ASCC3: variants seen among roughly 807,000 people sequenced by gnomAD.
ASCC3 encodes ASC-1 complex subunit P200.
Under a neutral mutation model 256.3 loss-of-function variants are expected in ASCC3, and 158 were observed. That is an observed-to-expected ratio of 0.62 (90% CI 0.54 to 0.70). ASCC3 has a LOEUF of 0.70. Among genes scored for constraint, ASCC3 ranks in the 30% least tolerant of loss-of-function variants. The pLI is 0.00. For synonymous variants in ASCC3, 948 were observed against 883.4 expected (o/e 1.07, Z -1.30); for missense variants, 2,259 against 2,626.0 (o/e 0.86, Z 3.05).
rs577797622 is a variant in ASCC3, at chr6:100,735,310, C to G, written c.1738-9607G>C. ...CACTTGCCAAAATGATTTTACAACA[C>G]TATTTGCAAGGTTGAGAGCTGAAGT... On this transcript the variant is annotated intron_variant, in intron 10 of 41. Coordinates refer to ENST00000369162, the MANE Select transcript of ASCC3 (RefSeq NM_006828.4). Among the ~76,000 whole-genome samples the G allele has an allele frequency of 1.9e-4, 29 of 152,302 alleles. 1 individual carries two copies. Among genetic ancestry groups the G allele is most frequent in the Admixed American group, 1.8e-3 (28 of 15,298 alleles).
chr6:100,829,987 T>C (rs1217051287), intron 4 of ASCC3, among the ~76,000 whole-genome samples: 1 of 152,020 alleles, frequency 6.6e-6, no homozygotes, highest in Non-Finnish European at 1.5e-5. Context: ...AGGAGGCTAC[T>C]AAGTGTCTAC....
At chr6:100,878,662 G>A (rs1769118018) in intron 1 of ASCC3, among the ~76,000 whole-genome samples, 1 of 152,180 alleles carries the variant, frequency 6.6e-6, no homozygotes, top group South Asian at 2.1e-4. Flanking sequence ...ATGTCTGAAA[G>A]ACAAAATTCT....
At chr6:100,737,221 G>T (rs1260616773) in intron 10 of ASCC3, among the ~76,000 whole-genome samples, 1 of 58,854 alleles carries the variant, frequency 1.7e-5, no homozygotes, top group African/African-American at 5.0e-5. Flanking sequence ...CTATGATCAG[G>T]ACTCAAAGTT....
rs145307456 is a variant in ASCC3 at position 100,588,075 on chromosome 6, T to C, written c.5550+1559A>G. Among the ~76,000 whole-genome samples, 8 of 152,294 alleles carry C rather than the reference T, an allele frequency of 5.3e-5. No homozygotes were observed. In the East Asian group the frequency reaches 1.5e-3, roughly 29 times the overall value. Reference sequence around the variant, plus strand: ...TGACTTGAGAGGCAGTATAGTAGGATGGTTTCAGGGCCCATACTCTGGTGC... The same window carrying C: ...TGACTTGAGAGGCAGTATAGTAGGACGGTTTCAGGGCCCATACTCTGGTGC... On this transcript the variant is annotated intron_variant, in intron 36 of 41. Coordinates refer to ENST00000369162, the MANE Select transcript of ASCC3 (RefSeq NM_006828.4).
chr6:100,578,432 A>G (rs1340701392), intron 36 of ASCC3, among the ~76,000 whole-genome samples: 1 of 151,906 alleles, frequency 6.6e-6, no homozygotes, highest in Non-Finnish European at 1.5e-5. Context: ...CTACACATTC[A>G]AGTAGGCCCT....
chr6:100,785,027 T>C (rs534911417), intron 8 of ASCC3, among the ~76,000 whole-genome samples: 121 of 68,326 alleles, frequency 1.8e-3, no homozygotes, highest in Admixed American at 4.8e-3. Flanking sequence ...CACTGAAAAA[T>C]TACTAAATTT....
intron 13 of ASCC3, among the ~76,000 whole-genome samples, chr6:100,681,669 G>A (rs931898939): frequency 1.4e-5 from 2 of 144,920 alleles, no homozygotes; most frequent in African/African-American, 5.1e-5. Flanking sequence ...AGAGGTTGCA[G>A]TGAGCCGGGA....
intron 36 of ASCC3, among the ~76,000 whole-genome samples, chr6:100,585,169 G>A (rs1771578183): frequency 6.6e-6 from 1 of 152,192 alleles, no homozygotes; most frequent in Non-Finnish European, 1.5e-5. Flanking sequence ...ATATCCTGCA[G>A]AGTGTTTTCC....
At position 100,665,551 on chromosome 6, in the gene ASCC3, C is replaced by G. The variant is rs190917053; in HGVS notation, c.2287-3015G>C. On this transcript the variant is annotated intron_variant, in intron 14 of 41. Transcript: ENST00000369162. ...CATCCTGGCTAACATGGTGAAACTC[C>G]GTCTCTACTAACAAAAACAAACAAA... is the stretch of plus-strand genomic sequence containing the variant. Among the ~76,000 whole-genome samples, 10 of 151,368 alleles carry G rather than the reference C, an allele frequency of 6.6e-5. No individual in the cohort carries two copies. The South Asian group carries it at 8.4e-4, about 13-fold the overall frequency.
rs957668913 is a variant in ASCC3, at chr6:100,509,461, G to A, written c.6534C>T (p.Asn2178=). 11 of 1,614,034 alleles carry A rather than the reference G, an allele frequency of 6.8e-6. No individual in the cohort carries two copies. Among genetic ancestry groups the A allele is most frequent in the South Asian group, 3.3e-5 (3 of 91,080 alleles). Residue 2178 remains asparagine, a synonymous_variant, in exon 42 of 42, where the codon AAC becomes AAT. Coordinates refer to ENST00000369162, the MANE Select transcript of ASCC3 (RefSeq NM_006828.4). The part of the protein sequence containing the change: ...GLDQQYDIYL[N]VTQASLSAQV... ...GTGCAGAAAGACTCGCTTGTGTAACGTTGAGATAGATGTCATACTGCTGGT... is the reference window on the plus strand; with the variant it reads ...GTGCAGAAAGACTCGCTTGTGTAACATTGAGATAGATGTCATACTGCTGGT...
At chr6:100,574,267 AT>A (rs796480588) in intron 36 of ASCC3, among the ~76,000 whole-genome samples, 22 of 152,308 alleles carry the variant, frequency 1.4e-4, no homozygotes, top group African/African-American at 5.3e-4. Context: ...ACAGAAGTTT[AT>A]GGGTGCAACC....
intron 24 of ASCC3, among the ~76,000 whole-genome samples, chr6:100,639,631 G>C (rs4329121): frequency 0.44 from 67,487 of 151,990 alleles, 15,650 homozygotes; most frequent in East Asian, 0.68. Context: ...CCTTGAGTTA[G>C]ATGTTCATGG....
intron 1 of ASCC3, among the ~76,000 whole-genome samples, chr6:100,871,042 G>A (rs1773714651): frequency 6.6e-6 from 1 of 152,096 alleles, no homozygotes; most frequent in African/African-American, 2.4e-5. Context: ...AGATGATGCA[G>A]TAGGTCAAGG....
intron 30 of ASCC3, among the ~76,000 whole-genome samples, chr6:100,610,014 G>A (rs905736533): frequency 2.0e-5 from 3 of 152,088 alleles, no homozygotes; most frequent in Admixed American, 6.6e-5. Flanking sequence ...AGTTCTTTCC[G>A]GGAAACTCCA....
At chr6:100,509,725 A>G (rs1323198779) in intron 41 of ASCC3, among the ~76,000 whole-genome samples, 192 bp from the exon 42 acceptor site, 1 of 152,118 alleles carries the variant, frequency 6.6e-6, no homozygotes, top group African/African-American at 2.4e-5. Flanking sequence ...CGTCTCTACT[A>G]AAAATACAAA....
intron 30 of ASCC3, among the ~76,000 whole-genome samples, chr6:100,611,299 A>G (rs1773383331): frequency 6.6e-6 from 1 of 152,158 alleles, no homozygotes; most frequent in South Asian, 2.1e-4. Flanking sequence ...TTATTTGAAC[A>G]TCATAAAAAG....
chr6:100,868,598 CTT>C (rs919174836), intron 1 of ASCC3, among the ~76,000 whole-genome samples: 3 of 152,220 alleles, frequency 2.0e-5, no homozygotes, highest in Admixed American at 2.0e-4. Flanking sequence ...ATATTTGACA[CTT>C]TCTTGTTTAT....
In ASCC3 at chr6:100,512,710, T is replaced by C. The variant is rs752339007; in HGVS notation, c.6284A>G (p.Lys2095Arg). ...SLQRVHFGFHKGKPESCAVTP... is the reference protein window; with the variant it reads ...SLQRVHFGFHRGKPESCAVTP... ...GAGAATGGAAACCAAACACTATACC[T>C]TGTGGAACCCAAAGTGGACTCTCTG... The change falls in exon 40 of 42, where the codon AAG (lysine) becomes AGG (arginine). Residue 2095 changes from lysine (K) to arginine (R), a missense_variant and splice_region_variant. Physicochemically the swap from Lys to Arg is conservative, Grantham distance 26. Around this residue, in one of 2 missense-constraint regions of ASCC3, gnomAD observed 1,839 missense variants for 2,206.7 expected, o/e 0.83. Transcript: ENST00000369162. 2 of 1,614,070 alleles carry C rather than the reference T, an allele frequency of 1.2e-6. No individual in the cohort carries two copies. The highest frequency in any genetic ancestry group is 1.7e-6 in the Non-Finnish European group (2 of 1,179,936).
chr6:100,686,584 C>A (rs1196021138), intron 13 of ASCC3, among the ~76,000 whole-genome samples: 1 of 152,142 alleles, frequency 6.6e-6, no homozygotes, highest in Non-Finnish European at 1.5e-5. Context: ...TATTCCATTA[C>A]ATAGAAACAC....
Sources: gnomAD v4.1 joint callset for allele counts (sites outside exome capture counted in the v4.1 genomes callset) on GRCh38, gnomAD v4.1.1 for gene constraint, gnomAD v4.1.1 regional missense constraint, MANE v1.5 for transcripts, NCBI Gene and HGNC (gene_info 2026-07-23, HGNC 2026-07-21) for gene names.